The following THAP6 variants were observed in gnomAD, a reference collection of about 807,000 sequenced individuals.
The protein encoded by THAP6 is THAP domain-containing protein 6.
In THAP6, 13 loss-of-function variants were observed where a neutral mutation model predicts 20.0. That is an observed-to-expected ratio of 0.65 (90% CI 0.42 to 1.03). THAP6 has a LOEUF of 1.03. THAP6 is among the 50% of genes least tolerant of loss of function. THAP6 has a pLI of 0.00. For synonymous variants in THAP6, 93 were observed against 92.2 expected (o/e 1.01, Z -0.05); for missense variants, 262 against 261.6 (o/e 1.00, Z -0.01).
chr4:75,530,717 A>G (rs1004020223), downstream of THAP6, among the ~76,000 whole-genome samples: 2 of 152,236 alleles, frequency 1.3e-5, no homozygotes, highest in Admixed American at 1.3e-4. Context: ...ATCCTTTAAT[A>G]GGGATGGAAA....
chr4:75,527,172 G>T lies in THAP6; in HGVS notation c.627G>T (p.Trp209Cys). ...ETANRLDTFC[W>C]DCCQESIEQD... Reference sequence around the variant, plus strand: ...CAAATAGACTGGACACTTTCTGTTGGGACTGTTGTCAGGAGAGCATAGAAC... The same window carrying T: ...CAAATAGACTGGACACTTTCTGTTGTGACTGTTGTCAGGAGAGCATAGAAC... The change falls in exon 5 of 5, where the codon TGG becomes TGT. Residue 209 changes from tryptophan (W) to cysteine (C), a missense_variant. Physicochemically the swap from Trp to Cys is radical, Grantham distance 215 (BLOSUM62 -2). Coordinates refer to ENST00000311638, the MANE Select transcript of THAP6 (RefSeq NM_144721.6). 6.2e-7 allele frequency: 1 copy of T among 1,614,048 alleles called. No homozygotes were observed.
intron 2 of THAP6, among the ~76,000 whole-genome samples, chr4:75,537,763 C>T (rs1413229602): frequency 1.3e-5 from 2 of 152,112 alleles, no homozygotes; most frequent in Non-Finnish European, 2.9e-5. Context: ...AAGAGACAGG[C>T]AGGAGACTCA....
chr4:75,516,624 A>G (rs115694407), intron 2 of THAP6, 148 bp from the exon 3 acceptor site: 21 of 665,366 alleles, frequency 3.2e-5, no homozygotes, highest in Non-Finnish European at 4.8e-5. Context: ...TAACAAAAGC[A>G]TGAATTATGG....
intron 4 of THAP6, among the ~76,000 whole-genome samples, chr4:75,523,715 C>A (rs770610874): frequency 6.7e-6 from 1 of 149,844 alleles, no homozygotes; most frequent in African/African-American, 2.5e-5. Context: ...GTGGGAGGAT[C>A]GCTTGAGCCC....
intron 4 of THAP6, among the ~76,000 whole-genome samples, chr4:75,522,907 T>C (rs1726120946): frequency 6.6e-6 from 1 of 152,110 alleles, no homozygotes; most frequent in Non-Finnish European, 1.5e-5. Flanking sequence ...AACATGGGAG[T>C]GCAGATATCC....
chr4:75,522,382 A>G (rs748257402), intron 4 of THAP6: 10 of 152,500 alleles, frequency 6.6e-5, no homozygotes, highest in Non-Finnish European at 1.0e-4. Context: ...ACAATGCATG[A>G]TAATCACATT....
At chr4:75,516,679 A>T in intron 2 of THAP6, 93 bp from the exon 3 acceptor site, 1 of 1,019,982 alleles carries the variant, frequency 9.8e-7, no homozygotes, top group Non-Finnish European at 1.4e-6. Flanking sequence ...CTAGTTAACG[A>T]ATCAATTTAG....
At chr4:75,532,286 T>C (rs1344722531), downstream of THAP6, among the ~76,000 whole-genome samples, 2 of 152,228 alleles carry the variant, frequency 1.3e-5, no homozygotes, top group Non-Finnish European at 2.9e-5. Context: ...AGGCAAATCT[T>C]AAGCTTCAAA....
At chr4:75,544,517 G>C (rs1448606974) in intron 3 of THAP6, 2 of 152,064 alleles carry the variant, frequency 1.3e-5, no homozygotes, top group Non-Finnish European at 2.9e-5. Flanking sequence ...ACCATGCCCA[G>C]CTAATTTTTG....
Position 75,528,385 on chromosome 4 carries a change from A to G in THAP6, c.*1171A>G. On this transcript the variant is annotated 3_prime_UTR_variant, in exon 5 of 5. Coordinates refer to ENST00000311638, the MANE Select transcript of THAP6 (RefSeq NM_144721.6). Reference sequence around the variant, plus strand: ...AATACTGTGGGTTAGAATAAAAACCATTTGCCAAAGCAACACTCTACTTAG... The same window carrying G: ...AATACTGTGGGTTAGAATAAAAACCGTTTGCCAAAGCAACACTCTACTTAG... The G allele has an allele frequency of 2.0e-6, 2 of 985,444 alleles. No individual in the cohort carries two copies. Among genetic ancestry groups the G allele is most frequent in the Non-Finnish European group, 2.4e-6 (2 of 829,936 alleles). The allele number at this position is 985,444 out of a possible 1,614,324, so 61.0% of individuals were successfully genotyped here. A position where few individuals can be genotyped will look rare whatever the true frequency, so the allele number is the denominator to read the frequency against.
downstream of THAP6, among the ~76,000 whole-genome samples, chr4:75,534,726 AC>A (rs1446999209): frequency 6.6e-6 from 1 of 152,182 alleles, no homozygotes. Context: ...GAAAAAAACA[AC>A]CCCATCAACA....
chr4:75,518,152 G>C (rs1725780827), intron 3 of THAP6, among the ~76,000 whole-genome samples: 2 of 152,212 alleles, frequency 1.3e-5, no homozygotes, highest in Admixed American at 1.3e-4. Context: ...TACCACCAAG[G>C]TGTCATCTAG....
At position 75,515,506 on chromosome 4, in the gene THAP6, G is replaced by A. The variant is rs1725521568; in HGVS notation, c.54G>A (p.Ser18=). 3 of 1,613,944 alleles carry A rather than the reference G, an allele frequency of 1.9e-6. No homozygotes were observed. The highest frequency in any genetic ancestry group is 2.5e-6 in the Non-Finnish European group (3 of 1,179,844). Residue 18 remains serine, a synonymous_variant, in exon 2 of 5, where the codon TCG becomes TCA. Coordinates refer to ENST00000311638, the MANE Select transcript of THAP6 (RefSeq NM_144721.6). ...IGCASRCLPN[S]KLKGLTFHVF... is the part of the protein sequence containing the mutation. ...GTGCTTCTCGCTGCTTGCCAAATTC[G>A]AAGTTAAAAGGACTGACATTTCACG... is the stretch of plus-strand genomic sequence containing the variant.
chr4:75,541,448 G>A (rs189136499), intron 2 of THAP6, among the ~76,000 whole-genome samples: 26 of 87,648 alleles, frequency 3.0e-4, no homozygotes, highest in Admixed American at 1.9e-3. Context: ...AAGTGTGTAC[G>A]TGTGTGTGTG....
chr4:75,526,540 C>T (rs1314870551), intron 4 of THAP6, among the ~76,000 whole-genome samples: 1 of 152,172 alleles, frequency 6.6e-6, no homozygotes, highest in Admixed American at 6.5e-5. Flanking sequence ...TGAGAACCTG[C>T]TGCAGTACTC....
chr4:75,539,174 G>C (rs1177298284), intron 2 of THAP6, among the ~76,000 whole-genome samples: 1 of 152,198 alleles, frequency 6.6e-6, no homozygotes, highest in East Asian at 1.9e-4. Flanking sequence ...CTTGAATTCA[G>C]CCTAATGCCT....
chr4:75,533,742 G>T (rs548944895), downstream of THAP6, among the ~76,000 whole-genome samples: 1 of 151,908 alleles, frequency 6.6e-6, no homozygotes, highest in South Asian at 2.1e-4. Flanking sequence ...AACTCCTGTT[G>T]TTGTTTTTTT....
chr4:75,515,406 ACT>A (rs761404956), intron 1 of THAP6, 25 bp from the exon 2 acceptor site: 2 of 1,590,376 alleles, frequency 1.3e-6, no homozygotes, highest in South Asian at 2.2e-5. Flanking sequence ...CCGGTTACTA[ACT>A]CTTAACATTC....
intron 2 of THAP6, among the ~76,000 whole-genome samples, chr4:75,540,416 C>T (rs995386469): frequency 6.6e-6 from 1 of 152,210 alleles, no homozygotes; most frequent in Non-Finnish European, 1.5e-5. Context: ...TGTCTCAGAG[C>T]ATCAAGTCAC....
Sources: allele counts gnomAD v4.1 joint callset (sites outside exome capture counted in the v4.1 genomes callset), GRCh38; gene constraint gnomAD v4.1.1; transcripts MANE v1.5; gene names NCBI Gene and HGNC (gene_info 2026-07-23, HGNC 2026-07-21).